Variants in CWH43 observed in about 807,000 individuals in gnomAD.
The protein encoded by CWH43 is PGAP2-interacting protein.
CWH43 carries 91 observed loss-of-function variants against 85.7 expected under a neutral mutation model. That is an observed-to-expected ratio of 1.06 (90% CI 0.90 to 1.26). The LOEUF (loss-of-function observed/expected upper bound fraction) is 1.26. CWH43 is among the 50% of genes most tolerant of loss of function. CWH43 has a pLI of 0.00. For synonymous variants in CWH43, 323 were observed against 293.6 expected (o/e 1.10, Z -1.02); for missense variants, 869 against 839.2 (o/e 1.04, Z -0.44).
chr4:49,057,541 C>T (rs1785006239), intron 15 of CWH43, among the ~76,000 whole-genome samples: 2 of 152,002 alleles, frequency 1.3e-5, no homozygotes, highest in South Asian at 4.2e-4. Flanking sequence ...TTTTGGGGTC[C>T]CAAGATTTAT....
At chr4:49,011,762 G>T (rs536373375) in intron 8 of CWH43, among the ~76,000 whole-genome samples, 1 of 152,110 alleles carries the variant, frequency 6.6e-6, no homozygotes. Flanking sequence ...AAAATTCTGG[G>T]TTGAAAATTC....
intron 9 of CWH43, among the ~76,000 whole-genome samples, chr4:49,022,845 A>G (rs1783794901): frequency 6.6e-6 from 1 of 152,124 alleles, no homozygotes; most frequent in Admixed American, 6.6e-5. Context: ...AAAGATGTTC[A>G]TGGTAGCATT....
intron 7 of CWH43, 36 bp from the exon 8 acceptor site, chr4:49,007,165 C>A: frequency 6.4e-7 from 1 of 1,557,318 alleles, no homozygotes; most frequent in South Asian, 1.3e-5. Flanking sequence ...ATTTTTGGAT[C>A]AGACTATAAC....
In CWH43 at chr4:48,988,358, C is replaced by T. The variant is rs961253662; in HGVS notation, c.44-119C>T. 5 of 675,610 alleles carry T rather than the reference C, an allele frequency of 7.4e-6. No homozygotes were observed. The African/African-American group carries it at 9.2e-5, about 12-fold the overall frequency. 41.9% of individuals were successfully genotyped at this position (675,610 alleles called of 1,614,324 possible). A position where few individuals can be genotyped will look rare whatever the true frequency, so the allele number is the denominator to read the frequency against. ...CAGTGGAGACAACTGGAACCCAGTT[C>T]AGGCCAGAGTCATGAAGAAGAATGA... is the stretch of plus-strand genomic sequence containing the variant. On this transcript the variant is annotated intron_variant, in intron 1 of 15. Coordinates refer to ENST00000226432, the MANE Select transcript of CWH43 (RefSeq NM_025087.3).
chr4:49,047,698 C>T lies in CWH43; in HGVS notation c.1865+2851C>T, dbSNP rs550650865. 3.3e-5 allele frequency among the ~76,000 whole-genome samples: 5 copies of T among 151,570 alleles called. No homozygotes were observed. In the South Asian group the frequency reaches 6.3e-4, roughly 19 times the overall value. The stretch of plus-strand genomic sequence containing the variant: ...GGTTGGGGTGGAGTGGGGTGAGGGG[C>T]GGCCGAGGAGGGAAGGAGAGAGTGT... On this transcript the variant is annotated intron_variant, in intron 14 of 15. Coordinates refer to ENST00000226432, the MANE Select transcript of CWH43 (RefSeq NM_025087.3).
At chr4:49,036,190 G>T (rs189489890) in intron 12 of CWH43, among the ~76,000 whole-genome samples, 1 of 152,156 alleles carries the variant, frequency 6.6e-6, no homozygotes, top group African/African-American at 2.4e-5. Context: ...TTCTCCCAAC[G>T]TTTAATCTCC....
intron 5 of CWH43, among the ~76,000 whole-genome samples, chr4:48,998,192 CTGTACTTTAATAGTCTGA>C (rs1357180705): frequency 6.6e-6 from 1 of 152,200 alleles, no homozygotes; most frequent in East Asian, 1.9e-4. Context: ...CCAACATGGA[CTGTACTTTAATAGTCTGA>C]GAAAGCTTGG....
chr4:49,058,857 T>C (rs1218774379), intron 15 of CWH43, among the ~76,000 whole-genome samples: 2 of 152,204 alleles, frequency 1.3e-5, no homozygotes, highest in Non-Finnish European at 2.9e-5. Context: ...CTTGAATGTT[T>C]TTTCTCTTTG....
chr4:48,996,426 G>T (rs1782815408), intron 5 of CWH43, among the ~76,000 whole-genome samples: 1 of 152,152 alleles, frequency 6.6e-6, no homozygotes, highest in African/African-American at 2.4e-5. Context: ...CTTGAGGGCA[G>T]GGAATGGGAA....
rs556896295 is a variant in CWH43 at position 49,058,679 on chromosome 4, T to C, written c.2022-3133T>C. Among the ~76,000 whole-genome samples, 20 of 152,322 alleles carry C rather than the reference T, an allele frequency of 1.3e-4. No individual in the cohort carries two copies. The South Asian group carries it at 3.9e-3, about 30-fold the overall frequency. On this transcript the variant is annotated intron_variant, in intron 15 of 15. Transcript: ENST00000226432. The stretch of plus-strand genomic sequence containing the variant: ...TGATGATGAACTCCTGCAGCTTTTG[T>C]CTCTTTGGGAAAGTCCTTACCTTTC...
intron 9 of CWH43, 36 bp downstream of exon 9, chr4:49,017,364 T>A (rs1437477420): frequency 7.2e-7 from 1 of 1,394,478 alleles, no homozygotes; most frequent in Non-Finnish European, 1.0e-6. Flanking sequence ...GAATTTTATA[T>A]GGTATATATA....
chr4:49,054,185 A>G (rs925815327), intron 15 of CWH43, among the ~76,000 whole-genome samples: 2 of 152,130 alleles, frequency 1.3e-5, no homozygotes, highest in African/African-American at 2.4e-5. Flanking sequence ...ATTTTTGTAT[A>G]TGGTATGAGG....
At chr4:49,027,890 A>T (rs574612601) in intron 9 of CWH43, among the ~76,000 whole-genome samples, 1 of 152,256 alleles carries the variant, frequency 6.6e-6, no homozygotes, top group East Asian at 1.9e-4. Flanking sequence ...GCAGCGCATT[A>T]TCTGACTCAC....
At chr4:49,037,232 T>C (rs1287276604) in intron 12 of CWH43, among the ~76,000 whole-genome samples, 2 of 152,154 alleles carry the variant, frequency 1.3e-5, no homozygotes, top group African/African-American at 4.8e-5. Flanking sequence ...AAAAGCACCA[T>C]GTTCAGCTGG....
chr4:49,010,430 C>T (rs1331561152), intron 8 of CWH43, among the ~76,000 whole-genome samples: 1 of 152,168 alleles, frequency 6.6e-6, no homozygotes, highest in African/African-American at 2.4e-5. Context: ...AAACCACCTC[C>T]TGGATTCATT....
chr4:49,008,730 G>C (rs1473145847), intron 8 of CWH43, among the ~76,000 whole-genome samples: 1 of 152,148 alleles, frequency 6.6e-6, no homozygotes, highest in Non-Finnish European at 1.5e-5. Context: ...GTTAAATAGG[G>C]AACCCTTTCC....
intron 7 of CWH43, among the ~76,000 whole-genome samples, chr4:49,004,614 T>A (rs4694908): frequency 6.6e-6 from 1 of 151,988 alleles, no homozygotes; most frequent in Non-Finnish European, 1.5e-5. Flanking sequence ...GGTCTTGAAC[T>A]CCTGGCCTCA....
In CWH43 at chr4:49,028,690, G is replaced by C; in HGVS notation, c.1328G>C (p.Gly443Ala). The C allele has an allele frequency of 6.2e-7, 1 of 1,613,786 alleles. No individual in the cohort carries two copies. Among genetic ancestry groups the C allele is most frequent in the South Asian group, 1.1e-5 (1 of 91,046 alleles). Residue 443 changes from glycine to alanine, a missense_variant, in exon 10 of 16, where the codon GGG (glycine) becomes GCG (alanine). Physicochemically the swap from Gly to Ala is moderately conservative, Grantham distance 60. Around this residue, in one of 3 missense-constraint regions of CWH43, gnomAD observed 577 missense variants for 513.1 expected, o/e 1.12. Transcript: ENST00000226432. Reference protein sequence around the residue: ...WPFRFGYDNEGWSSLERSAHL... With the variant: ...WPFRFGYDNEAWSSLERSAHL... ...TTCAGGTTTGGATATGACAATGAAG[G>C]GTGGTCTAGTCTAGAAAGATCAGCT... is the stretch of plus-strand genomic sequence containing the variant.
Position 49,044,135 on chromosome 4 carries a change from T to C in CWH43, c.1804-651T>C, listed in dbSNP as rs75257885. ...TTCTTCAGAATAAACACCTCATATT[T>C]ATAGTTTTCCCAACACATGATAGAA... On this transcript the variant is annotated intron_variant, in intron 13 of 15. Transcript: ENST00000226432. 1.8e-3 allele frequency among the ~76,000 whole-genome samples: 268 copies of C among 152,238 alleles called. 1 individual carries two copies. Among genetic ancestry groups the C allele is most frequent in the Non-Finnish European group, 2.4e-3 (164 of 68,016 alleles).
Sources: allele counts gnomAD v4.1 joint callset (sites outside exome capture counted in the v4.1 genomes callset), GRCh38; gene constraint gnomAD v4.1.1; regional missense constraint gnomAD v4.1.1; transcripts MANE v1.5; gene names NCBI Gene and HGNC (gene_info 2026-07-23, HGNC 2026-07-21).